The following ALPK1 variants were observed in gnomAD, a reference collection of about 807,000 sequenced individuals.
ALPK1 encodes the protein alpha kinase 1, also known as alpha-protein kinase 1.
ALPK1 carries 110 observed loss-of-function variants against 120.6 expected under a neutral mutation model. That is an observed-to-expected ratio of 0.91 (90% CI 0.78 to 1.07). The LOEUF is 1.07. Among genes scored for constraint, ALPK1 ranks in the 50% least tolerant of loss-of-function variants. The pLI is 0.00. For missense variants in ALPK1, 1,498 were observed against 1,483.9 expected (o/e 1.01, Z -0.16); for synonymous variants, 582 against 560.3 (o/e 1.04, Z -0.55).
chr4:112,410,935 A>G (rs1253804400), intron 4 of ALPK1: 1 of 154,858 alleles, frequency 6.5e-6, no homozygotes, highest in African/African-American at 2.4e-5. Context: ...GCAGAGTGTC[A>G]TGAACTAATG....
intron 2 of ALPK1, among the ~76,000 whole-genome samples, chr4:112,352,224 T>C (rs1266719336): frequency 1.3e-5 from 2 of 152,232 alleles, no homozygotes; most frequent in Non-Finnish European, 2.9e-5. Flanking sequence ...AGATGTGATA[T>C]ACATGGAACA....
intron 2 of ALPK1, among the ~76,000 whole-genome samples, chr4:112,376,693 A>G (rs1448991608): frequency 1.3e-5 from 2 of 152,256 alleles, no homozygotes; most frequent in Non-Finnish European, 2.9e-5. Flanking sequence ...CATTGCATGC[A>G]TAAGCTCAGA....
chr4:112,359,863 C>T, intron 2 of ALPK1: 1 of 317,002 alleles, frequency 3.2e-6, no homozygotes, highest in Non-Finnish European at 6.2e-6. Context: ...GCTTGATCAC[C>T]TGCCTGTCCA....
chr4:112,310,768 T>A (rs1728366813), intron 1 of ALPK1, among the ~76,000 whole-genome samples: 1 of 152,126 alleles, frequency 6.6e-6, no homozygotes, highest in Non-Finnish European at 1.5e-5. Flanking sequence ...TTTTTTTTGA[T>A]AATTAAATGA....
chr4:112,409,839 G>A (rs918708072), intron 4 of ALPK1, among the ~76,000 whole-genome samples: 1 of 152,098 alleles, frequency 6.6e-6, no homozygotes, highest in Non-Finnish European at 1.5e-5. Context: ...CGAGAGGAGA[G>A]AAGAGATATT....
chr4:112,332,577 C>T (rs1729432658), intron 2 of ALPK1, among the ~76,000 whole-genome samples: 1 of 152,202 alleles, frequency 6.6e-6, no homozygotes, highest in Non-Finnish European at 1.5e-5. Context: ...TGATCAAGGT[C>T]CCTGAATACT....
chr4:112,358,373 G>A (rs1730746301), intron 2 of ALPK1: 1 of 604,974 alleles, frequency 1.7e-6, no homozygotes. Context: ...GGCCCCCTGG[G>A]CTGTAGCACC....
At chr4:112,381,533 AC>A (rs1176357497) in intron 3 of ALPK1, among the ~76,000 whole-genome samples, 2 of 152,188 alleles carry the variant, frequency 1.3e-5, no homozygotes, top group African/African-American at 4.8e-5. Flanking sequence ...TCACATGTGT[AC>A]TTCAGAATTC....
intron 2 of ALPK1, among the ~76,000 whole-genome samples, chr4:112,332,512 T>C (rs1256565098): frequency 1.3e-5 from 2 of 152,226 alleles, no homozygotes; most frequent in African/African-American, 4.8e-5. Context: ...GCAGATTCAT[T>C]GACTGGTTGC....
Position 112,431,932 on chromosome 4 carries a change from TGAA to T in ALPK1, c.2388_2390del (p.Glu796del). On this transcript the variant is annotated inframe_deletion, in exon 11 of 16. Coordinates refer to ENST00000650871, the MANE Select transcript of ALPK1 (RefSeq NM_025144.4). Reference sequence around the variant, plus strand: ...CAGAAGGAGAAACAGCAGAAAGCACTGAAGATGCACCCTTAGACTTTCACAGGG... The same window carrying T: ...CAGAAGGAGAAACAGCAGAAAGCACTGATGCACCCTTAGACTTTCACAGGG... 1 of 1,614,068 alleles carries T rather than the reference TGAA, an allele frequency of 6.2e-7. No individual in the cohort carries two copies. The highest frequency in any genetic ancestry group is 8.5e-7 in the Non-Finnish European group (1 of 1,180,032).
intron 2 of ALPK1, chr4:112,352,781 C>G (rs1322270179): frequency 6.6e-6 from 1 of 152,112 alleles, no homozygotes; most frequent in Non-Finnish European, 1.5e-5. Flanking sequence ...TCCTCTGTGA[C>G]TGCTTTTTAT....
At chr4:112,368,035 G>A (rs577912828) in intron 2 of ALPK1, among the ~76,000 whole-genome samples, 31 of 152,142 alleles carry the variant, frequency 2.0e-4, no homozygotes, top group African/African-American at 7.5e-4. Flanking sequence ...CTGAGTAGCT[G>A]GCCACCTATA....
In ALPK1 at chr4:112,429,037, G is replaced by A. The variant is rs534674978; in HGVS notation, c.796-112G>A. 1,280 of 898,736 alleles carry A rather than the reference G, an allele frequency of 1.4e-3. 8 individuals carry two copies. Among genetic ancestry groups the A allele is most frequent in the South Asian group, 3.9e-3 (293 of 75,244 alleles). The allele number at this position is 898,736 out of a possible 1,614,324, so 55.7% of individuals were successfully genotyped here. On this transcript the variant is annotated intron_variant, in intron 9 of 15. Coordinates refer to ENST00000650871, the MANE Select transcript of ALPK1 (RefSeq NM_025144.4). The stretch of plus-strand genomic sequence containing the variant: ...CTTTACACTGTTCTGAACGGGTTGC[G>A]GTGAGGAGTCCCTTGAAATCATGAA...
At chr4:112,402,252 G>A (rs749611152) in intron 4 of ALPK1, among the ~76,000 whole-genome samples, 10 of 152,284 alleles carry the variant, frequency 6.6e-5, no homozygotes, top group Middle Eastern at 3.4e-3. Flanking sequence ...GATGGCTTCA[G>A]TTCTGAGCCC....
chr4:112,395,962 A>G (rs1425214635), intron 4 of ALPK1, among the ~76,000 whole-genome samples: 1 of 152,216 alleles, frequency 6.6e-6, no homozygotes. Flanking sequence ...CAAGTTAATC[A>G]GAGGATTTTT....
intron 14 of ALPK1, 42 bp from the exon 15 acceptor site, chr4:112,440,875 T>C: frequency 6.4e-7 from 1 of 1,560,374 alleles, no homozygotes; most frequent in Non-Finnish European, 8.6e-7. Flanking sequence ...GATGGACATT[T>C]ACAGGGAATT....
chr4:112,338,155 C>G (rs546577627), intron 2 of ALPK1, among the ~76,000 whole-genome samples: 1 of 152,004 alleles, frequency 6.6e-6, no homozygotes, highest in Non-Finnish European at 1.5e-5. Flanking sequence ...TTAGTAGAGA[C>G]GGGGTTTTGC....
chr4:112,382,318 A>C, intron 3 of ALPK1, 80 bp from the exon 4 acceptor site: 5 of 662,940 alleles, frequency 7.5e-6, no homozygotes, highest in Non-Finnish European at 9.7e-6. Context: ...TTTGCCACTG[A>C]GGTGCTTCAT....
At chr4:112,424,133 C>A in intron 6 of ALPK1, 130 bp downstream of exon 6, 2 of 763,124 alleles carry the variant, frequency 2.6e-6, no homozygotes, top group South Asian at 2.0e-5. Flanking sequence ...GCTGGCTCTG[C>A]CACTGATGAA....
Sources: gnomAD v4.1 joint callset for allele counts (sites outside exome capture counted in the v4.1 genomes callset) on GRCh38, gnomAD v4.1.1 for gene constraint, MANE v1.5 for transcripts, NCBI Gene and HGNC (gene_info 2026-07-23, HGNC 2026-07-21) for gene names.